The following STRA6 variants were observed in gnomAD, a reference collection of about 807,000 sequenced individuals.
The protein encoded by STRA6 is signaling receptor and transporter of retinol STRA6.
STRA6 carries 48 observed loss-of-function variants against 83.6 expected under a neutral mutation model. That is an observed-to-expected ratio of 0.57 (90% CI 0.46 to 0.73). The LOEUF is 0.73. Ranked by LOEUF, STRA6 falls within the 30% of genes least tolerant of loss-of-function variation. STRA6 has a pLI of 0.00. For synonymous variants in STRA6, 353 were observed against 362.3 expected (o/e 0.97, Z 0.29); for missense variants, 760 against 838.8 (o/e 0.91, Z 1.16).
chr15:74,197,865 G>C, intron 2 of STRA6, 47 bp from the exon 3 acceptor site: 1 of 1,600,374 alleles, frequency 6.2e-7, no homozygotes. Flanking sequence ...AGGCCCCCCT[G>C]GGTGTGCAGA....
At position 74,208,118 on chromosome 15, in the gene STRA6, C is replaced by T. The variant is rs1212844116; in HGVS notation, c.-16+682G>A. 31 of 1,088,962 alleles carry T rather than the reference C, an allele frequency of 2.8e-5. 1 individual carries two copies. In the South Asian group the frequency reaches 5.3e-4, roughly 18 times the overall value. 67.5% of individuals were successfully genotyped at this position (1,088,962 alleles called of 1,614,324 possible). A position where few individuals can be genotyped will look rare whatever the true frequency, so the allele number is the denominator to read the frequency against. On this transcript the variant is annotated intron_variant, in intron 1 of 18. Coordinates refer to the STRA6 transcript ENST00000323940. ...CACTGGTGAGGAGGAGGAGGGTAGCCGGCTGTGCCAGGGGAGCAGCATGTT... is the reference window on the plus strand; with the variant it reads ...CACTGGTGAGGAGGAGGAGGGTAGCTGGCTGTGCCAGGGGAGCAGCATGTT...
chr15:74,209,466 C>G, upstream of STRA6: 1 of 1,534,806 alleles, frequency 6.5e-7, no homozygotes, highest in South Asian at 1.2e-5. Context: ...CTGCTGCTGC[C>G]CAGCTGGGCT....
chr15:74,184,883 C>T lies in STRA6; in HGVS notation c.1166+97G>A. On this transcript the variant is annotated intron_variant, in intron 13 of 18. Coordinates refer to ENST00000395105, the MANE Select transcript of STRA6 (RefSeq NM_022369.4). ...CCATGACAGCCCGGGCCGGCAGAGCCCTTCCCTCCCTCCAGGCCCAGGGCC... is the reference window on the plus strand; with the variant it reads ...CCATGACAGCCCGGGCCGGCAGAGCTCTTCCCTCCCTCCAGGCCCAGGGCC... 4 of 1,261,582 alleles carry T rather than the reference C, an allele frequency of 3.2e-6. No individual in the cohort carries two copies. In the South Asian group the frequency reaches 3.8e-5, roughly 12 times the overall value. 78.1% of individuals were successfully genotyped at this position (1,261,582 alleles called of 1,614,324 possible). A position where few individuals can be genotyped will look rare whatever the true frequency, so the allele number is the denominator to read the frequency against.
intron 12 of STRA6, among the ~76,000 whole-genome samples, chr15:74,187,741 T>C (rs975319093): frequency 4.6e-5 from 7 of 152,192 alleles, no homozygotes; most frequent in Non-Finnish European, 1.0e-4. Flanking sequence ...TAACTGTTGC[T>C]CTGTTTGGCC....
chr15:74,194,329 C>T, intron 7 of STRA6: 1 of 1,139,406 alleles, frequency 8.8e-7, no homozygotes, highest in Non-Finnish European at 1.1e-6. Context: ...AGTCTATGCC[C>T]TACTCCTCAG....
chr15:74,208,689 C>T, intron 1 of STRA6: 3 of 985,660 alleles, frequency 3.0e-6, no homozygotes, highest in Non-Finnish European at 3.6e-6. Flanking sequence ...TCACTTCCTG[C>T]CCCTAGGCTC....
rs554117145 is a variant in STRA6 at position 74,191,489 on chromosome 15, C to A, written c.723G>T (p.Gly241=). 1 of 1,614,016 alleles carries A rather than the reference C, an allele frequency of 6.2e-7. No individual in the cohort carries two copies. The highest frequency in any genetic ancestry group is 1.3e-5 in the African/African-American group (1 of 75,042). The change falls in exon 9 of 19, where the codon GGG becomes GGT. Residue 241 remains glycine (G), a splice_region_variant and synonymous_variant. Transcript: ENST00000395105. ...FSRRTGAGSK[G]LQSSYSEEYL... is the part of the protein sequence containing the mutation. ...ATTCCTCAGAGTAGCTGCTCTGCAGCCCCTGTGGAGACAGACAATTGAACA... is the reference window on the plus strand; with the variant it reads ...ATTCCTCAGAGTAGCTGCTCTGCAGACCCTGTGGAGACAGACAATTGAACA...
Position 74,202,761 on chromosome 15 carries a change from C to G in STRA6, c.-64G>C. ...GGAGTTGCAGAGATGAAAGGGTAGG[C>G]AGCCCACGGCCAGCTCCGCACTGCC... is the stretch of plus-strand genomic sequence containing the variant. On this transcript the variant is annotated 5_prime_UTR_variant, in exon 1 of 19. Transcript: ENST00000395105. 5.0e-6 allele frequency: 6 copies of G among 1,201,966 alleles called. No homozygotes were observed. The highest frequency in any genetic ancestry group is 6.2e-6 in the Non-Finnish European group (6 of 968,830). The allele number at this position is 1,201,966 out of a possible 1,614,324, so 74.5% of individuals were successfully genotyped here.
intron 11 of STRA6, among the ~76,000 whole-genome samples, chr15:74,189,905 G>T (rs990893265): frequency 6.6e-6 from 1 of 151,950 alleles, no homozygotes; most frequent in Non-Finnish European, 1.5e-5. Context: ...ATTGTGATCC[G>T]CCCGCCTCAG....
upstream of STRA6, chr15:74,209,542 C>A: frequency 9.0e-7 from 1 of 1,113,272 alleles, no homozygotes; most frequent in South Asian, 1.5e-5. Flanking sequence ...CAGGTATGAT[C>A]TATTCCCAGG....
At chr15:74,202,666 C>T in intron 1 of STRA6, 47 bp downstream of exon 1, 4 of 1,388,796 alleles carry the variant, frequency 2.9e-6, no homozygotes, top group Non-Finnish European at 2.8e-6. Flanking sequence ...AGAGACGCCC[C>T]TTCCTTCCCC....
chr15:74,209,318 C>G, upstream of STRA6: 1 of 1,488,360 alleles, frequency 6.7e-7, no homozygotes, highest in Non-Finnish European at 9.1e-7. Context: ...CTGAGTTTCC[C>G]CAGATGTGGC....
In STRA6 at chr15:74,180,903, T is replaced by C; in HGVS notation, c.1719A>G (p.Glu573=). The part of the protein sequence containing the change: ...YYTYRNFLKI[E]VSQSHPAMTA... Reference sequence around the variant, plus strand: ...TCATGGCTGGATGCGACTGGCTGACTTCAATCTTCAAGAAGTTTCGGTACG... The same window carrying C: ...TCATGGCTGGATGCGACTGGCTGACCTCAATCTTCAAGAAGTTTCGGTACG... The change falls in exon 18 of 19, where the codon GAA becomes GAG. Residue 573 remains glutamate (E), a synonymous_variant. Transcript: ENST00000395105. 1.2e-6 allele frequency: 2 copies of C among 1,614,036 alleles called. No individual in the cohort carries two copies. The highest frequency in any genetic ancestry group is 1.7e-6 in the Non-Finnish European group (2 of 1,180,002).
At position 74,186,781 on chromosome 15, in the gene STRA6, A is replaced by C. The variant is rs572299665; in HGVS notation, c.1091-1726T>G. ...GCACAACTCCATCTCAAAAGAAAAA[A>C]AAAATCACTGGGAGGGCTGTTCACT... On this transcript the variant is annotated intron_variant, in intron 12 of 18. Transcript: ENST00000395105. 4.6e-5 allele frequency among the ~76,000 whole-genome samples: 7 copies of C among 152,282 alleles called. No individual in the cohort carries two copies. The East Asian group carries it at 1.3e-3, about 29-fold the overall frequency.
At chr15:74,194,319 A>G in intron 7 of STRA6, 3 of 1,149,442 alleles carry the variant, frequency 2.6e-6, no homozygotes, top group Non-Finnish European at 3.2e-6. Flanking sequence ...GCATCAGGAA[A>G]GTCTATGCCC....
At chr15:74,185,504 G>A (rs935428052) in intron 12 of STRA6, among the ~76,000 whole-genome samples, 9 of 152,202 alleles carry the variant, frequency 5.9e-5, no homozygotes, top group East Asian at 1.9e-4. Context: ...CCCCATCCAC[G>A]TCTGCACTAA....
chr15:74,197,520 C>T (rs1352389572), intron 3 of STRA6, 97 bp from the exon 4 acceptor site: 37 of 1,154,956 alleles, frequency 3.2e-5, no homozygotes, highest in East Asian at 5.1e-5. Context: ...TATCCCCTAC[C>T]TGCCCAGTGC....
At chr15:74,198,107 C>CA (rs764358864) in intron 2 of STRA6, among the ~76,000 whole-genome samples, 1 of 146,202 alleles carries the variant, frequency 6.8e-6, no homozygotes, top group Non-Finnish European at 1.5e-5. Flanking sequence ...CACTTATTCT[C>CA]TTTTTTTTTT....
intron 14 of STRA6, chr15:74,183,273 G>A (rs2073080248): frequency 5.6e-6 from 1 of 179,070 alleles, no homozygotes; most frequent in African/African-American, 2.4e-5. Flanking sequence ...AGCCAAATGT[G>A]ACACAGCCCT....
Sources: gnomAD v4.1 joint callset for allele counts (sites outside exome capture counted in the v4.1 genomes callset) on GRCh38, gnomAD v4.1.1 for gene constraint, MANE v1.5 for transcripts, NCBI Gene and HGNC (gene_info 2026-07-23, HGNC 2026-07-21) for gene names.